Variants in PPM1B observed in about 807,000 individuals in gnomAD.
PPM1B encodes protein phosphatase, Mg2+/Mn2+ dependent 1B, also known as protein phosphatase 1B.
In PPM1B, 22 loss-of-function variants were observed where a neutral mutation model predicts 43.0. The observed-to-expected ratio is 0.51, with a 90% CI of 0.37 to 0.73. The LOEUF (loss-of-function observed/expected upper bound fraction) is 0.73. Ranked by LOEUF, PPM1B falls within the 30% of genes least tolerant of loss-of-function variation. PPM1B has a pLI of 0.00. For missense variants in PPM1B, 632 were observed against 584.2 expected, an observed-to-expected ratio of 1.08 and a Z score of -0.84; for synonymous variants, 217 against 197.9, an observed-to-expected ratio of 1.10 and a Z score of -0.81.
intron 1 of PPM1B, among the ~76,000 whole-genome samples, chr2:44,185,305 A>AT (rs905789903): frequency 6.6e-6 from 1 of 152,122 alleles, no homozygotes; most frequent in African/African-American, 2.4e-5. Context: ...CTATGTTGAG[A>AT]ACTGCTACTT....
intron 1 of PPM1B, among the ~76,000 whole-genome samples, chr2:44,188,343 C>T (rs1306838950): frequency 1.3e-5 from 2 of 150,458 alleles, no homozygotes; most frequent in African/African-American, 4.9e-5. Flanking sequence ...TCCTTCTCTT[C>T]TCCCAGTGTT....
intron 2 of PPM1B, among the ~76,000 whole-genome samples, chr2:44,203,729 T>C (rs1341950211): frequency 2.0e-5 from 3 of 152,188 alleles, no homozygotes; most frequent in Non-Finnish European, 4.4e-5. Context: ...TATTGATCTG[T>C]ATCATTTTTC....
chr2:44,217,566 A>G (rs969156276), intron 3 of PPM1B, among the ~76,000 whole-genome samples: 1 of 152,138 alleles, frequency 6.6e-6, no homozygotes, highest in African/African-American at 2.4e-5. Context: ...TTAATATTAG[A>G]TCAGAAGTAT....
chr2:44,231,467 A>G lies in PPM1B; in HGVS notation c.*749A>G, dbSNP rs1374140280. 5 of 970,076 alleles carry G rather than the reference A, an allele frequency of 5.2e-6. No homozygotes were observed. Among genetic ancestry groups the G allele is most frequent in the Middle Eastern group, 5.3e-4 (1 of 1,884 alleles). The allele number at this position is 970,076 out of a possible 1,614,324, so 60.1% of individuals were successfully genotyped here. On this transcript the variant is annotated 3_prime_UTR_variant, in exon 6 of 6. Coordinates refer to ENST00000282412, the MANE Select transcript of PPM1B (RefSeq NM_002706.6). ...CCAAATAAAGCATGTGATGTGGAAT[A>G]ATCTATGCATGTTGTACTTATTTTT...
chr2:44,234,561 C>A, downstream of PPM1B: 4 of 981,914 alleles, frequency 4.1e-6, no homozygotes, highest in Non-Finnish European at 4.8e-6. Flanking sequence ...CGGCAGGGGG[C>A]AGGGTGGGGG....
intron 1 of PPM1B, among the ~76,000 whole-genome samples, chr2:44,199,188 G>T (rs1375644718): frequency 3.3e-5 from 5 of 151,304 alleles, no homozygotes; most frequent in East Asian, 1.9e-4. Context: ...AACCTGGGAG[G>T]CGGAGGTTGC....
chr2:44,176,421 A>G (rs993948223), intron 1 of PPM1B, among the ~76,000 whole-genome samples: 2 of 152,246 alleles, frequency 1.3e-5, no homozygotes, highest in African/African-American at 2.4e-5. Context: ...GCTCTTAGCA[A>G]AGATGGCTAA....
chr2:44,175,997 G>A (rs1163441470), intron 1 of PPM1B, among the ~76,000 whole-genome samples: 1 of 152,114 alleles, frequency 6.6e-6, no homozygotes, highest in Non-Finnish European at 1.5e-5. Context: ...TGTTGGTCAT[G>A]CTGGTCTGGA....
chr2:44,170,005 C>T (rs953517808), intron 1 of PPM1B, among the ~76,000 whole-genome samples: 10 of 152,092 alleles, frequency 6.6e-5, no homozygotes, highest in Admixed American at 3.3e-4. Context: ...GCCTAACAAC[C>T]TTGAAAAAAT....
At chr2:44,240,223 T>C (rs751672108) in intron 5 of PPM1B, among the ~76,000 whole-genome samples, 1 of 146,086 alleles carries the variant, frequency 6.8e-6, no homozygotes, top group Non-Finnish European at 1.5e-5. Context: ...CATTCTAATA[T>C]AAAGAGCTTG....
chr2:44,188,247 C>T (rs1330137717), intron 1 of PPM1B, among the ~76,000 whole-genome samples: 1 of 152,090 alleles, frequency 6.6e-6, no homozygotes, highest in African/African-American at 2.4e-5. Context: ...TCCTGTTATT[C>T]TATGGAAGCC....
At chr2:44,223,576 G>A (rs1010088320) in intron 5 of PPM1B, among the ~76,000 whole-genome samples, 40 of 151,978 alleles carry the variant, frequency 2.6e-4, no homozygotes, top group African/African-American at 4.8e-5. Context: ...TTGGGAGGGC[G>A]AGGCAGGAGG....
At chr2:44,230,032 T>C in intron 5 of PPM1B, 2 of 1,589,684 alleles carry the variant, frequency 1.3e-6, no homozygotes, top group Non-Finnish European at 1.7e-6. Flanking sequence ...CCTGCTTTTC[T>C]GTCCTTTTCC....
chr2:44,236,150 C>T (rs1670604956), downstream of PPM1B, among the ~76,000 whole-genome samples: 1 of 151,964 alleles, frequency 6.6e-6, no homozygotes, highest in African/African-American at 2.4e-5. Context: ...AATCCCAGCA[C>T]TTTGGCAGGC....
At chr2:44,239,995 T>G (rs1183193872) in intron 5 of PPM1B, among the ~76,000 whole-genome samples, 1 of 112,786 alleles carries the variant, frequency 8.9e-6, no homozygotes, top group East Asian at 2.8e-4. Flanking sequence ...GTCTTCACCA[T>G]ATTTAAATTT....
chr2:44,185,864 G>C (rs1401352012), intron 1 of PPM1B, among the ~76,000 whole-genome samples: 1 of 152,154 alleles, frequency 6.6e-6, no homozygotes, highest in African/African-American at 2.4e-5. Context: ...TTGAATGTCA[G>C]TTATGATTTT....
chr2:44,231,513 ACC>A, downstream of PPM1B: 2 of 910,098 alleles, frequency 2.2e-6, no homozygotes, highest in Non-Finnish European at 2.6e-6. Flanking sequence ...TTTAAAAACA[ACC>A]AAGTTTGGTA....
In PPM1B at chr2:44,201,159, A is replaced by T. The variant is rs1668914436; in HGVS notation, c.-14-27A>T. On this transcript the variant is annotated intron_variant, in intron 1 of 5. Coordinates refer to ENST00000282412, the MANE Select transcript of PPM1B (RefSeq NM_002706.6). The surrounding 1 kb of genome is among the most constrained non-coding windows in gnomAD (Gnocchi z 5.4). ...CATACATTTTCTGTCAAATTTAAAC[A>T]TTTAACACCTGCATTTTTTATTTCA... 4.5e-6 allele frequency: 7 copies of T among 1,542,094 alleles called. No homozygotes were observed. Among genetic ancestry groups the T allele is most frequent in the Admixed American group, 1.9e-5 (1 of 51,564 alleles).
In PPM1B at chr2:44,242,385, TTTTTA is replaced by T. The variant is rs1670768951; in HGVS notation, n.1547-1838_1547-1834del. Among the ~76,000 whole-genome samples, 3 of 152,304 alleles carry T rather than the reference TTTTTA, an allele frequency of 2.0e-5. No homozygotes were observed. In the South Asian group the frequency reaches 6.2e-4, roughly 32 times the overall value. On this transcript the variant is annotated intron_variant and non_coding_transcript_variant, in intron 5 of 5. Coordinates refer to the PPM1B transcript ENST00000378540. ...TTTTAAAGATATTGGGAAAAGGAGC[TTTTTA>T]TTTTCTCCTTAAAAAAGGTAAAGAT... is the stretch of plus-strand genomic sequence containing the variant.
Sources: gnomAD v4.1 joint callset for allele counts (sites outside exome capture counted in the v4.1 genomes callset) on GRCh38, gnomAD v4.1.1 for gene constraint, Gnocchi (gnomAD v3.1) non-coding constraint, MANE v1.5 for transcripts, NCBI Gene and HGNC (gene_info 2026-07-23, HGNC 2026-07-21) for gene names.